PEBP4: variants seen among roughly 807,000 people sequenced by gnomAD.
PEBP4 encodes the protein phosphatidylethanolamine-binding protein 4.
PEBP4 carries 22 observed loss-of-function variants against 23.9 expected under a neutral mutation model. The observed-to-expected ratio is 0.92, with a 90% CI of 0.66 to 1.31. PEBP4 has a LOEUF of 1.31. Among genes scored for constraint, PEBP4 ranks in the 40% most tolerant of loss-of-function variants. The probability of loss-of-function intolerance (pLI) is 0.00; values close to 1 mark genes in which losing one functional copy is unlikely to be tolerated. For synonymous variants in PEBP4, 112 were observed against 99.3 expected (o/e 1.13, Z -0.76); for missense variants, 324 against 281.7 (o/e 1.15, Z -1.07).
intron 3 of PEBP4, among the ~76,000 whole-genome samples, chr8:22,900,177 A>G (rs922583742): frequency 2.0e-5 from 3 of 152,222 alleles, no homozygotes; most frequent in African/African-American, 7.2e-5. Flanking sequence ...TGTAAGGCAC[A>G]GTAAGAATGA....
intron 3 of PEBP4, among the ~76,000 whole-genome samples, chr8:22,826,162 T>C (rs1328488721): frequency 6.6e-6 from 1 of 152,180 alleles, no homozygotes; most frequent in East Asian, 1.9e-4. Context: ...TCAAAAATCT[T>C]TTGAGTATAT....
intron 4 of PEBP4, among the ~76,000 whole-genome samples, chr8:22,734,170 C>T (rs1003792675): frequency 7.9e-5 from 12 of 152,198 alleles, no homozygotes; most frequent in Non-Finnish European, 1.0e-4. Context: ...GGTAAGTGAG[C>T]GGAAGGCACT....
At chr8:22,814,681 A>G (rs754425531) in intron 4 of PEBP4, among the ~76,000 whole-genome samples, 6 of 152,214 alleles carry the variant, frequency 3.9e-5, no homozygotes, top group East Asian at 1.9e-4. Context: ...CCACAGGGCC[A>G]TGGTCCCTCT....
intron 6 of PEBP4, among the ~76,000 whole-genome samples, chr8:22,722,977 T>C (rs1316036463): frequency 1.3e-5 from 2 of 151,494 alleles, no homozygotes; most frequent in African/African-American, 4.9e-5. Context: ...GAGACAGGGT[T>C]TCACCATGTT....
upstream of PEBP4, among the ~76,000 whole-genome samples, chr8:22,928,243 A>G (rs947217152): frequency 6.6e-6 from 1 of 152,174 alleles, no homozygotes; most frequent in Non-Finnish European, 1.5e-5. Context: ...ACCTGTCTCC[A>G]CAGCCTGTGA....
intron 6 of PEBP4, among the ~76,000 whole-genome samples, chr8:22,718,276 C>T (rs1439859457): frequency 6.6e-6 from 1 of 152,158 alleles, no homozygotes; most frequent in Non-Finnish European, 1.5e-5. Flanking sequence ...AGGCCTCCTC[C>T]TCCCTTCTGC....
At chr8:22,902,228 C>A (rs762274453) in intron 3 of PEBP4, among the ~76,000 whole-genome samples, 2 of 152,152 alleles carry the variant, frequency 1.3e-5, no homozygotes, top group Non-Finnish European at 2.9e-5. Context: ...ACTTAGGAGG[C>A]TGAGGCAGGA....
chr8:22,902,535 C>T lies in PEBP4; in HGVS notation c.258+17649G>A, dbSNP rs568008798. On this transcript the variant is annotated intron_variant, in intron 3 of 6. Transcript: ENST00000256404. ...ATGTTGCTTCATGTAGGATCTGATG[C>T]CTGGTTAGCCTCTCCCCAGGCAACC... is the stretch of plus-strand genomic sequence containing the variant. Among the ~76,000 whole-genome samples the T allele has an allele frequency of 1.2e-4, 19 of 152,160 alleles. No individual in the cohort carries two copies. The South Asian group carries it at 3.5e-3, about 28-fold the overall frequency.
chr8:22,916,020 G>C (rs1336456766), intron 3 of PEBP4, among the ~76,000 whole-genome samples: 2 of 152,314 alleles, frequency 1.3e-5, no homozygotes, highest in East Asian at 3.9e-4. Flanking sequence ...AGAGGCCTGG[G>C]CTGGCATGAA....
intron 3 of PEBP4, among the ~76,000 whole-genome samples, chr8:22,851,358 A>G (rs1406870540): frequency 2.0e-5 from 3 of 152,148 alleles, no homozygotes; most frequent in Admixed American, 6.5e-5. Context: ...GTTCCTTCTG[A>G]GTCGATTCTT....
chr8:22,860,209 C>CATATATTTGTATATATATATACACAT (rs200272561), intron 3 of PEBP4, among the ~76,000 whole-genome samples: 1 of 106,204 alleles, frequency 9.4e-6, no homozygotes, highest in Admixed American at 8.9e-5. Context: ...TATATATACA[C>CATATATTTGTATATATATATACACAT]ATATATGTAT....
rs552727192 is a variant in PEBP4, at chr8:22,918,925, GTGTGCACATGTGCACACA to G, written c.258+1241_258+1258del. On this transcript the variant is annotated intron_variant, in intron 3 of 6. Transcript: ENST00000256404. The stretch of plus-strand genomic sequence containing the variant: ...CACATGGGTGTGCATGCAAGTGTGT[GTGTGCACATGTGCACACA>G]TGTGCACGTGTGCACTTTATTGCTC... Among the ~76,000 whole-genome samples the G allele has an allele frequency of 8.9e-4, 124 of 140,062 alleles. 1 individual carries two copies. The South Asian group carries it at 0.023, about 26-fold the overall frequency. 91.9% of individuals were successfully genotyped at this position (140,062 alleles called of 152,430 possible).
chr8:22,914,143 A>G (rs1043436786), intron 3 of PEBP4, among the ~76,000 whole-genome samples: 3 of 152,012 alleles, frequency 2.0e-5, no homozygotes, highest in African/African-American at 4.8e-5. Context: ...ATGTGCCACC[A>G]CACCCAGCTA....
At chr8:22,922,422 C>T (rs959000362) in intron 2 of PEBP4, among the ~76,000 whole-genome samples, 4 of 69,960 alleles carry the variant, frequency 5.7e-5, no homozygotes, top group Admixed American at 5.4e-4. Context: ...TGAGAAAATA[C>T]ACTTTAAATT....
rs963467987 is a variant in PEBP4, at chr8:22,865,513, CG to C, written c.259-47779del. On this transcript the variant is annotated intron_variant, in intron 3 of 6. Transcript: ENST00000256404. The surrounding 1 kb of genome is among the most constrained non-coding windows in gnomAD (Gnocchi z 6.9). ...CCGGCCGCGCAGCGAGAAGGAGCCTCGGGGAAGAGCTAAAAAAGGCAAGGCG... is the reference window on the plus strand; with the variant it reads ...CCGGCCGCGCAGCGAGAAGGAGCCTCGGGAAGAGCTAAAAAAGGCAAGGCG... Among the ~76,000 whole-genome samples the C allele has an allele frequency of 5.9e-5, 9 of 152,000 alleles. No homozygotes were observed. The highest frequency in any genetic ancestry group is 2.2e-4 in the African/African-American group (9 of 41,416).
intron 4 of PEBP4, among the ~76,000 whole-genome samples, chr8:22,776,737 A>G (rs926167443): frequency 6.6e-6 from 1 of 150,528 alleles, no homozygotes; most frequent in African/African-American, 2.5e-5. Flanking sequence ...GTGGCTTGAT[A>G]TGGATGGGAG....
chr8:22,816,106 G>T lies in PEBP4; in HGVS notation c.357+1531C>A, dbSNP rs1460101383. On this transcript the variant is annotated intron_variant, in intron 4 of 6. Transcript: ENST00000256404. ...AATGACAACGCTCTAGCCTTGGGGG[G>T]TGAGGGGGAGATGCCAGTTCTTTCT... is the stretch of plus-strand genomic sequence containing the variant. Among the ~76,000 whole-genome samples the T allele has an allele frequency of 3.3e-5, 5 of 152,204 alleles. No individual in the cohort carries two copies. In the South Asian group the frequency reaches 1.0e-3, roughly 31 times the overall value.
intron 1 of PEBP4, among the ~76,000 whole-genome samples, chr8:22,938,899 G>A (rs992014469): frequency 2.6e-5 from 4 of 152,134 alleles, no homozygotes; most frequent in African/African-American, 7.2e-5. Flanking sequence ...AAATAAGCAC[G>A]CACATATAAA....
At chr8:22,851,607 A>G (rs1807552231) in intron 3 of PEBP4, among the ~76,000 whole-genome samples, 2 of 152,124 alleles carry the variant, frequency 1.3e-5, no homozygotes, top group South Asian at 4.1e-4. Flanking sequence ...GCCACCCACC[A>G]CACATTAGAG....
Sources: gnomAD v4.1 joint callset for allele counts (sites outside exome capture counted in the v4.1 genomes callset) on GRCh38, gnomAD v4.1.1 for gene constraint, Gnocchi (gnomAD v3.1) non-coding constraint, MANE v1.5 for transcripts, NCBI Gene and HGNC (gene_info 2026-07-23, HGNC 2026-07-21) for gene names.